Variants in PSMC1 observed in about 807,000 individuals in gnomAD.
The protein encoded by PSMC1 is proteasome 26S subunit, ATPase 1.
A neutral mutation model predicts 49.8 loss-of-function variants in PSMC1; 5 were observed. That is an observed-to-expected ratio of 0.10 (90% CI 0.05 to 0.21). PSMC1 has a LOEUF of 0.21. PSMC1 is among the 10% of genes least tolerant of loss of function. The pLI is 1.00. For synonymous variants in PSMC1, 155 were observed against 192.1 expected, an observed-to-expected ratio of 0.81 and a Z score of 1.60; for missense variants, 181 against 535.7, an observed-to-expected ratio of 0.34 and a Z score of 6.54.
In PSMC1 at chr14:90,268,396, C is replaced by T. The variant is rs762847784; in HGVS notation, c.864C>T (p.Asp288=). The T allele has an allele frequency of 2.0e-5, 33 of 1,613,070 alleles. No individual in the cohort carries two copies. In the Middle Eastern group the frequency reaches 4.9e-4, roughly 24 times the overall value. ...CCATCGTGTTTATTGATGAAATTGACGCCATTGGGACAAAAAGGTAGACTT... is the reference window on the plus strand; with the variant it reads ...CCATCGTGTTTATTGATGAAATTGATGCCATTGGGACAAAAAGGTAGACTT... ...APSIVFIDEI[D]AIGTKRYDSN... is the part of the protein sequence containing the mutation. Residue 288 remains aspartate (D), a synonymous_variant, in exon 8 of 11, where the codon GAC becomes GAT. Transcript: ENST00000261303.
chr14:90,258,812 A>G lies in PSMC1; in HGVS notation c.4-348A>G, dbSNP rs577921505. ...GATAGCTTCAGTCCGGTAGTTTCCT[A>G]TCAAGAGATGTGAAGCTCCATATTT... is the stretch of plus-strand genomic sequence containing the variant. On this transcript the variant is annotated intron_variant, in intron 1 of 10. Coordinates refer to ENST00000261303, the MANE Select transcript of PSMC1 (RefSeq NM_002802.3). Among the ~76,000 whole-genome samples the G allele has an allele frequency of 2.6e-5, 4 of 152,326 alleles. No individual in the cohort carries two copies. The South Asian group carries it at 8.3e-4, about 32-fold the overall frequency.
intron 9 of PSMC1, 128 bp downstream of exon 9, chr14:90,269,676 CA>C (rs1306811845): frequency 7.5e-6 from 8 of 1,063,062 alleles, no homozygotes; most frequent in Non-Finnish European, 6.8e-6. Context: ...GGATAATTTA[CA>C]AAAAAATAGG....
intron 1 of PSMC1, among the ~76,000 whole-genome samples, chr14:90,257,245 TGTA>T (rs1190094474): frequency 1.3e-5 from 2 of 152,182 alleles, no homozygotes; most frequent in African/African-American, 4.8e-5. Context: ...TAGCTTCTGT[TGTA>T]GACACTGAGG....
intron 9 of PSMC1, 48 bp downstream of exon 9, chr14:90,269,596 T>G (rs574775802): frequency 7.6e-6 from 12 of 1,587,274 alleles, no homozygotes; most frequent in Non-Finnish European, 1.0e-5. Flanking sequence ...GTTTATATAT[T>G]TGTGTTTAAG....
rs1491397403 is a variant in PSMC1, at chr14:90,274,838, A to ACACCCCCC, written c.*2432_*2433insACCCCCCC. ...CACACACACACACACACACACACAC[A>ACACCCCCC]CCCCAATACATATGAATTGATCTGA... On this transcript the variant is annotated 3_prime_UTR_variant, in exon 11 of 11. Transcript: ENST00000261303. The ACACCCCCC allele has an allele frequency of 2.2e-4, 15 of 67,212 alleles. No individual in the cohort carries two copies. Among genetic ancestry groups the ACACCCCCC allele is most frequent in the East Asian group, 1.0e-3 (3 of 2,952 alleles). 4.2% of individuals were successfully genotyped at this position (67,212 alleles called of 1,614,324 possible).
rs1891764148 is a variant in PSMC1 at position 90,274,826 on chromosome 14, A to ACACACACACACC, written c.*2430_*2431insCCACACACACAC. 1.8e-5 allele frequency: 2 copies of ACACACACACACC among 110,638 alleles called. No homozygotes were observed. The highest frequency in any genetic ancestry group is 4.1e-5 in the African/African-American group (1 of 24,462). The allele number at this position is 110,638 out of a possible 1,614,324, so 6.9% of individuals were successfully genotyped here. ...CACACACACACACACACACACACAC[A>ACACACACACACC]CACACACACACACCCCAATACATAT... On this transcript the variant is annotated 3_prime_UTR_variant, in exon 11 of 11. Coordinates refer to ENST00000261303, the MANE Select transcript of PSMC1 (RefSeq NM_002802.3).
chr14:90,256,642 G>A (rs1209871866), intron 1 of PSMC1, 42 bp downstream of exon 1: 2 of 1,578,954 alleles, frequency 1.3e-6, no homozygotes, highest in South Asian at 1.2e-5. Flanking sequence ...GTCGCGGTGC[G>A]ATGGGGTCTC....
chr14:90,256,677 G>A, intron 1 of PSMC1, 77 bp downstream of exon 1: 1 of 1,551,518 alleles, frequency 6.4e-7, no homozygotes, highest in African/African-American at 1.4e-5. Flanking sequence ...AGAGAAAGAG[G>A]CGGCTGCCCG....
chr14:90,262,968 G>A (rs1891430031), intron 3 of PSMC1, among the ~76,000 whole-genome samples: 1 of 152,158 alleles, frequency 6.6e-6, no homozygotes, highest in Admixed American at 6.5e-5. Flanking sequence ...TATACTGCCT[G>A]AGCAACATAT....
chr14:90,271,611 CT>C (rs1406012196), intron 10 of PSMC1: 1 of 152,116 alleles, frequency 6.6e-6, no homozygotes, highest in Non-Finnish European at 1.5e-5. Flanking sequence ...TGTCAATTGC[CT>C]CTAAGTTTCA....
chr14:90,269,596 T>C (rs574775802), intron 9 of PSMC1, 48 bp downstream of exon 9: 2 of 1,587,392 alleles, frequency 1.3e-6, no homozygotes, highest in African/African-American at 2.7e-5. Flanking sequence ...GTTTATATAT[T>C]TGTGTTTAAG....
chr14:90,267,463 CTT>C (rs1019538726), intron 7 of PSMC1: 1 of 152,234 alleles, frequency 6.6e-6, no homozygotes, highest in Non-Finnish European at 1.5e-5. Flanking sequence ...CCAGCTGACT[CTT>C]GTTTTTAACC....
intron 1 of PSMC1, among the ~76,000 whole-genome samples, chr14:90,258,150 T>C (rs771992237): frequency 6.6e-6 from 1 of 152,192 alleles, no homozygotes; most frequent in Non-Finnish European, 1.5e-5. Flanking sequence ...CTGACAAGCT[T>C]TGTGACAACA....
At chr14:90,264,786 A>G (rs1268090230) in intron 6 of PSMC1, among the ~76,000 whole-genome samples, 1 of 152,202 alleles carries the variant, frequency 6.6e-6, no homozygotes, top group East Asian at 1.9e-4. Context: ...CTTGAGCTTT[A>G]TTAAGTCTCT....
At chr14:90,259,256 A>T (rs765873731) in intron 2 of PSMC1, 43 bp downstream of exon 2, 1 of 1,586,556 alleles carries the variant, frequency 6.3e-7, no homozygotes, top group African/African-American at 1.3e-5. Context: ...CAAATTGTGG[A>T]AAATGTCATG....
chr14:90,270,147 C>T (rs1191113221), intron 9 of PSMC1, 51 bp from the exon 10 acceptor site: 53 of 1,593,176 alleles, frequency 3.3e-5, no homozygotes, highest in Non-Finnish European at 3.9e-5. Context: ...GAGCCATGGC[C>T]GAGCCTGGGT....
intron 1 of PSMC1, 45 bp from the exon 2 acceptor site, chr14:90,259,115 G>T: frequency 1.9e-6 from 3 of 1,587,236 alleles, no homozygotes; most frequent in South Asian, 2.2e-5. Flanking sequence ...CTTTTGAAGT[G>T]ATCATATTCT....
chr14:90,267,027 C>T (rs28417816), intron 7 of PSMC1, among the ~76,000 whole-genome samples: 4,288 of 152,244 alleles, frequency 0.028, 180 homozygotes, highest in African/African-American at 0.098. Flanking sequence ...CCTGAGGCAC[C>T]TACCCAGCCC....
In PSMC1 at chr14:90,259,165, A is replaced by G. The variant is rs1891349251; in HGVS notation, c.9A>G (p.Gln3=). The stretch of plus-strand genomic sequence containing the variant: ...GCCTGATTTTTCTCCTCCAGGGTCA[A>G]AGTCAGAGTGGTGGTCATGGTCCTG... MG[Q]SQSGGHGPGG... is the part of the protein sequence containing the mutation. Residue 3 remains glutamine, a synonymous_variant, in exon 2 of 11, where the codon CAA becomes CAG. Coordinates refer to ENST00000261303, the MANE Select transcript of PSMC1 (RefSeq NM_002802.3). The G allele has an allele frequency of 1.9e-6, 3 of 1,613,746 alleles. No individual in the cohort carries two copies. Among genetic ancestry groups the G allele is most frequent in the Non-Finnish European group, 2.5e-6 (3 of 1,179,780 alleles).
Sources: allele counts gnomAD v4.1 joint callset (sites outside exome capture counted in the v4.1 genomes callset), GRCh38; gene constraint gnomAD v4.1.1; transcripts MANE v1.5; gene names NCBI Gene and HGNC (gene_info 2026-07-23, HGNC 2026-07-21).